The following MATN3 variants were observed in gnomAD, a reference collection of about 807,000 sequenced individuals.
The protein encoded by MATN3 is matrilin 3, also known as matrilin-3.
MATN3 carries 48 observed loss-of-function variants against 45.3 expected under a neutral mutation model. The observed-to-expected ratio is 1.06, with a 90% confidence interval of 0.84 to 1.35. The LOEUF (loss-of-function observed/expected upper bound fraction) is 1.35, where lower values mean the gene tolerates loss of function less well. Ranked by LOEUF, MATN3 falls within the 40% of genes most tolerant of loss-of-function variation. The probability of loss-of-function intolerance (pLI) is 0.00; values close to 1 mark genes in which losing one functional copy is unlikely to be tolerated. For synonymous variants in MATN3, 217 were observed against 245.9 expected (o/e 0.88, Z 1.10); for missense variants, 599 against 628.0 (o/e 0.95, Z 0.49).
Position 19,993,159 on chromosome 2 carries a change from GTCA to G in MATN3, c.1410_1412del (p.Asp471del). On this transcript the variant is annotated inframe_deletion, in exon 8 of 8. Transcript: ENST00000407540. ...CATTTATTTTCAACTTCTCCAAAAT[GTCA>G]TCAAGTGGCAAGTTGTTAAGGCCAA... is the stretch of plus-strand genomic sequence containing the variant. The G allele has an allele frequency of 1.2e-6, 2 of 1,611,162 alleles. No individual in the cohort carries two copies. The highest frequency in any genetic ancestry group is 1.1e-5 in the South Asian group (1 of 90,830).
intron 2 of MATN3, 96 bp from the exon 3 acceptor site, chr2:20,003,382 TC>T: frequency 8.3e-7 from 1 of 1,207,172 alleles, no homozygotes; most frequent in Non-Finnish European, 1.1e-6. Flanking sequence ...TGGGCTCCTT[TC>T]CGAGTCCATC....
intron 1 of MATN3, among the ~76,000 whole-genome samples, chr2:20,010,085 A>AAAAAAAAAAAAC: frequency 1.3e-5 from 2 of 150,268 alleles, no homozygotes; most frequent in African/African-American, 2.4e-5. Context: ...AAAAAAAAAA[A>AAAAAAAAAAAAC]AAAAACCTCC....
chr2:20,012,664 G>A lies in MATN3; in HGVS notation c.-33C>T. On this transcript the variant is annotated 5_prime_UTR_variant, in exon 1 of 8. Coordinates refer to ENST00000407540, the MANE Select transcript of MATN3 (RefSeq NM_002381.5). The surrounding 1 kb of genome is among the most constrained non-coding windows in gnomAD (Gnocchi z 4.3). ...TCCGTGGGCCTGGTGGTGTCCGTCG[G>A]GGGCCAGGAGCCCACGCGAGGCTCG... The A allele has an allele frequency of 4.7e-6, 5 of 1,065,730 alleles. No homozygotes were observed. The highest frequency in any genetic ancestry group is 5.9e-6 in the Non-Finnish European group (5 of 841,504). 66.0% of individuals were successfully genotyped at this position (1,065,730 alleles called of 1,614,324 possible).
intron 3 of MATN3, among the ~76,000 whole-genome samples, chr2:20,002,687 C>T (rs1361639197): frequency 6.6e-6 from 1 of 152,106 alleles, no homozygotes. Flanking sequence ...GCAGCCTCGA[C>T]CTCCTGGTCT....
chr2:20,009,206 T>C (rs1390183380), intron 1 of MATN3, among the ~76,000 whole-genome samples: 9 of 125,608 alleles, frequency 7.2e-5, no homozygotes, highest in Non-Finnish European at 1.1e-4. Context: ...GCCTGGATGA[T>C]AGAATGAGAC....
intron 2 of MATN3, among the ~76,000 whole-genome samples, chr2:20,003,613 A>G (rs922063062): frequency 2.0e-5 from 3 of 152,232 alleles, no homozygotes; most frequent in Admixed American, 6.5e-5. Context: ...CCCATGAAAA[A>G]AAGATTTGTG....
chr2:20,001,697 G>A lies in MATN3; in HGVS notation c.1042+258C>T, dbSNP rs6734005. Among the ~76,000 whole-genome samples the A allele has an allele frequency of 0.12, 18,141 of 152,190 alleles. 1,420 individuals are homozygous for A. The highest frequency in any genetic ancestry group is 0.24 in the East Asian group (1,215 of 5,168). Reference sequence around the variant, plus strand: ...GGTTGTTATGTGATTTCAACCTACTGAATTGTCTGTAGCATTTGGGAAGGA... The same window carrying A: ...GGTTGTTATGTGATTTCAACCTACTAAATTGTCTGTAGCATTTGGGAAGGA... On this transcript the variant is annotated intron_variant, in intron 4 of 7. Transcript: ENST00000407540.
At chr2:20,009,034 G>T (rs1020998323) in intron 1 of MATN3, among the ~76,000 whole-genome samples, 2 of 152,000 alleles carry the variant, frequency 1.3e-5, no homozygotes, top group Non-Finnish European at 2.9e-5. Context: ...AGACCAGCCT[G>T]GGCAACATAG....
chr2:20,010,086 AAAAACCT>A (rs912140713), intron 1 of MATN3, among the ~76,000 whole-genome samples: 1 of 150,156 alleles, frequency 6.7e-6, no homozygotes, highest in Non-Finnish European at 1.5e-5. Flanking sequence ...AAAAAAAAAA[AAAAACCT>A]CCAGAATTTT....
At chr2:20,001,134 T>G (rs1030967270) in intron 4 of MATN3, among the ~76,000 whole-genome samples, 1 of 152,206 alleles carries the variant, frequency 6.6e-6, no homozygotes, top group South Asian at 2.1e-4. Context: ...TATGAAAAGG[T>G]TGCAAAAACA....
At chr2:19,994,523 A>G (rs758101396) in intron 6 of MATN3, 114 bp from the exon 7 acceptor site, 51 of 649,196 alleles carry the variant, frequency 7.9e-5, no homozygotes, top group Non-Finnish European at 1.2e-4. Flanking sequence ...ACCTAAGTGC[A>G]TTTTCCAAGA....
At chr2:20,004,922 A>G (rs1371332050) in intron 2 of MATN3, among the ~76,000 whole-genome samples, 2 of 152,222 alleles carry the variant, frequency 1.3e-5, no homozygotes, top group Non-Finnish European at 2.9e-5. Flanking sequence ...TGATAAAAAA[A>G]TAAAGCATGA....
Position 20,006,229 on chromosome 2 carries a change from A to C in MATN3, c.305T>G (p.Val102Gly). The C allele has an allele frequency of 1.2e-6, 2 of 1,612,712 alleles. No homozygotes were observed. The highest frequency in any genetic ancestry group is 1.7e-6 in the Non-Finnish European group (2 of 1,179,432). Residue 102 changes from valine (V) to glycine (G), a missense_variant, in exon 2 of 8, where the codon GTG becomes GGG. Coordinates refer to ENST00000407540, the MANE Select transcript of MATN3 (RefSeq NM_002381.5). ...RSVRPLEFTK[V>G]KTFVSRIIDT... ...GATTATCCGGGAGACAAAAGTTTTC[A>C]CTTTGGTGAATTCCAGGGGCCGTAC...
intron 2 of MATN3, among the ~76,000 whole-genome samples, chr2:20,004,964 AAAATT>A (rs1268744260): frequency 6.6e-6 from 1 of 152,188 alleles, no homozygotes; most frequent in Non-Finnish European, 1.5e-5. Context: ...ATCAGTGACT[AAAATT>A]AAACTCCAGC....
At chr2:20,008,757 G>T (rs531494414) in intron 1 of MATN3, among the ~76,000 whole-genome samples, 1 of 152,104 alleles carries the variant, frequency 6.6e-6, no homozygotes, top group African/African-American at 2.4e-5. Flanking sequence ...TGGACTCCAG[G>T]TTTCCTGACT....
rs556240717 is a variant in MATN3, at chr2:20,010,315, G to A, written c.223+2094C>T. Among the ~76,000 whole-genome samples the A allele has an allele frequency of 3.3e-5, 5 of 152,220 alleles. No homozygotes were observed. In the South Asian group the frequency reaches 6.2e-4, roughly 19 times the overall value. ...CATGGCTATGTTCTTATAACTAAAC[G>A]TGCATGATTCTTTCCTTCTCCACTT... is the stretch of plus-strand genomic sequence containing the variant. On this transcript the variant is annotated intron_variant, in intron 1 of 7. Transcript: ENST00000407540.
At chr2:19,994,476 G>A in intron 6 of MATN3, 67 bp from the exon 7 acceptor site, 1 of 912,330 alleles carries the variant, frequency 1.1e-6, no homozygotes, top group Non-Finnish European at 1.7e-6. Context: ...TAACAAATCA[G>A]GAAATCCACA....
In MATN3 at chr2:20,005,803, T is replaced by A; in HGVS notation, c.731A>T (p.Tyr244Phe). 1 of 1,611,278 alleles carries A rather than the reference T, an allele frequency of 6.2e-7. No homozygotes were observed. Among genetic ancestry groups the A allele is most frequent in the Non-Finnish European group, 8.5e-7 (1 of 1,178,716 alleles). Residue 244 changes from tyrosine to phenylalanine, a missense_variant, in exon 2 of 8, where the codon TAC becomes TTC. Transcript: ENST00000407540. ...ASEPLEEHVF[Y>F]VETYGVIEKL... Reference sequence around the variant, plus strand: ...CTCAATGACCCCATAGGTCTCCACGTAGAAAACATGCTCCTCTAGGGGCTC... The same window carrying A: ...CTCAATGACCCCATAGGTCTCCACGAAGAAAACATGCTCCTCTAGGGGCTC...
intron 6 of MATN3, among the ~76,000 whole-genome samples, chr2:19,996,293 T>C (rs1279240029): frequency 1.3e-5 from 2 of 152,068 alleles, no homozygotes; most frequent in African/African-American, 2.4e-5. Context: ...ACAAGACTTG[T>C]ACACTGAAAA....
Sources: gnomAD v4.1 joint callset for allele counts (sites outside exome capture counted in the v4.1 genomes callset) on GRCh38, gnomAD v4.1.1 for gene constraint, Gnocchi (gnomAD v3.1) non-coding constraint, MANE v1.5 for transcripts, NCBI Gene and HGNC (gene_info 2026-07-23, HGNC 2026-07-21) for gene names.